MECOM: variants seen among roughly 807,000 people sequenced by gnomAD.
The protein encoded by MECOM is histone-lysine N-methyltransferase MECOM.
Under a neutral mutation model 116.3 loss-of-function variants are expected in MECOM, and 13 were observed. The observed-to-expected ratio is 0.11, with a 90% CI of 0.07 to 0.18. MECOM has a LOEUF of 0.18. MECOM is among the 10% of genes least tolerant of loss of function. MECOM has a pLI of 1.00. For synonymous variants in MECOM, 528 were observed against 535.2 expected (o/e 0.99, Z 0.19); for missense variants, 1,299 against 1,509.0 (o/e 0.86, Z 2.31).
rs745695007 is a variant in MECOM, at chr3:169,523,574, C to G, written c.37+139762G>C. On this transcript the variant is annotated intron_variant, in intron 1 of 16. Coordinates refer to ENST00000651503, the MANE Select transcript of MECOM (RefSeq NM_004991.4). ...GAACAGATGCTCACAACTACCACAT[C>G]GGGTTAAGTACTTAGGCACTGACAT... is the stretch of plus-strand genomic sequence containing the variant. Among the ~76,000 whole-genome samples, 32 of 152,174 alleles carry G rather than the reference C, an allele frequency of 2.1e-4. 1 individual carries two copies. Among genetic ancestry groups the G allele is most frequent in the Non-Finnish European group, 1.2e-4 (8 of 67,988 alleles).
chr3:169,411,816 C>T (rs1238189932), intron 1 of MECOM, among the ~76,000 whole-genome samples: 2 of 152,128 alleles, frequency 1.3e-5, no homozygotes, highest in Non-Finnish European at 2.9e-5. Flanking sequence ...CATGGCGAGA[C>T]ATTGTCTCTA....
At chr3:169,476,236 G>A (rs1045179028) in intron 1 of MECOM, among the ~76,000 whole-genome samples, 10 of 152,136 alleles carry the variant, frequency 6.6e-5, no homozygotes, top group African/African-American at 2.2e-4. Flanking sequence ...TAATTTTGAT[G>A]TCTTCATAAT....
intron 2 of MECOM, among the ~76,000 whole-genome samples, chr3:169,166,380 T>C (rs1743594875): frequency 6.6e-6 from 1 of 151,848 alleles, no homozygotes; most frequent in Non-Finnish European, 1.5e-5. Context: ...CTGAATTGTC[T>C]AAATTTTTAT....
At chr3:169,309,104 A>G (rs943929008) in intron 2 of MECOM, among the ~76,000 whole-genome samples, 7 of 152,196 alleles carry the variant, frequency 4.6e-5, no homozygotes, top group Non-Finnish European at 8.8e-5. Context: ...CTGACGTTCA[A>G]TGAAGACTAC....
chr3:169,490,786 T>G (rs553097504), intron 1 of MECOM, among the ~76,000 whole-genome samples: 1 of 152,346 alleles, frequency 6.6e-6, no homozygotes, highest in South Asian at 2.1e-4. Flanking sequence ...ATTTTCTTTC[T>G]TTTGCAAAAG....
At chr3:169,253,531 A>G (rs1756498254) in intron 2 of MECOM, among the ~76,000 whole-genome samples, 1 of 152,060 alleles carries the variant, frequency 6.6e-6, no homozygotes, top group African/African-American at 2.4e-5. Context: ...TGTATTATAT[A>G]TTTATTCTGA....
At chr3:169,134,003 G>T (rs949772093) in intron 3 of MECOM, 3 of 1,260,106 alleles carry the variant, frequency 2.4e-6, no homozygotes, top group Non-Finnish European at 3.1e-6. Flanking sequence ...AGAACTTTTC[G>T]GTGGCTTCTC....
At chr3:169,331,524 A>G (rs1722718141) in intron 2 of MECOM, among the ~76,000 whole-genome samples, 1 of 152,178 alleles carries the variant, frequency 6.6e-6, no homozygotes, top group African/African-American at 2.4e-5. Context: ...GAAATAACTT[A>G]CAGTAGAATG....
At chr3:169,146,046 C>G (rs1417573961) in intron 2 of MECOM, 3 of 241,354 alleles carry the variant, frequency 1.2e-5, no homozygotes, top group Non-Finnish European at 1.5e-5. Context: ...TTAATCGTGT[C>G]GGAAATCTCG....
intron 2 of MECOM, among the ~76,000 whole-genome samples, chr3:169,212,103 C>T (rs974215707): frequency 6.6e-6 from 1 of 152,030 alleles, no homozygotes; most frequent in Non-Finnish European, 1.5e-5. Context: ...AGAAATATAC[C>T]TTGGGGCCTT....
At chr3:169,370,037 T>C (rs1287721011) in intron 2 of MECOM, among the ~76,000 whole-genome samples, 2 of 151,962 alleles carry the variant, frequency 1.3e-5, no homozygotes, top group Non-Finnish European at 2.9e-5. Flanking sequence ...TGCTTTCTCA[T>C]AAATAAATTA....
chr3:169,116,826 T>C, intron 7 of MECOM, 87 bp from the exon 8 acceptor site: 1 of 1,477,682 alleles, frequency 6.8e-7, no homozygotes, highest in African/African-American at 1.4e-5. Context: ...TACTCAAAAT[T>C]TCAATTAGGA....
At chr3:169,637,686 A>C (rs1029587723) in intron 1 of MECOM, among the ~76,000 whole-genome samples, 2 of 152,216 alleles carry the variant, frequency 1.3e-5, no homozygotes, top group African/African-American at 4.8e-5. Flanking sequence ...CTAATCACAA[A>C]TTCATTATAT....
chr3:169,359,736 G>C (rs922324129), intron 2 of MECOM, among the ~76,000 whole-genome samples: 2 of 151,634 alleles, frequency 1.3e-5, no homozygotes, highest in Non-Finnish European at 3.0e-5. Context: ...TTCACATCTG[G>C]TGTTCTCAAG....
chr3:169,643,305 C>T (rs911447057), intron 1 of MECOM, among the ~76,000 whole-genome samples: 6 of 152,180 alleles, frequency 3.9e-5, no homozygotes, highest in Non-Finnish European at 7.3e-5. Context: ...TTTCTTTTCA[C>T]ATAACTATTA....
intron 2 of MECOM, among the ~76,000 whole-genome samples, chr3:169,333,899 C>T (rs572076276): frequency 2.1e-4 from 27 of 126,446 alleles, no homozygotes; most frequent in African/African-American, 7.6e-4. Flanking sequence ...CTTCCTTCCT[C>T]CCTCCCTCCC....
At chr3:169,433,681 GAAAGAAAGAGAA>G (rs1376610633) in intron 1 of MECOM, among the ~76,000 whole-genome samples, 44 of 149,004 alleles carry the variant, frequency 3.0e-4, no homozygotes, top group Middle Eastern at 3.5e-3. Flanking sequence ...AAGAAAGAAA[GAAAGAAAGAGAA>G]AGAAAGAAAA....
intron 2 of MECOM, among the ~76,000 whole-genome samples, chr3:169,268,345 C>A (rs1758554110): frequency 6.6e-6 from 1 of 152,180 alleles, no homozygotes; most frequent in Non-Finnish European, 1.5e-5. Context: ...TTGGACAAGT[C>A]AACCAGCTTT....
At chr3:169,143,252 T>G (rs994294784) in intron 3 of MECOM, among the ~76,000 whole-genome samples, 5 of 152,012 alleles carry the variant, frequency 3.3e-5, no homozygotes, top group African/African-American at 1.2e-4. Context: ...AAATGCATAA[T>G]TAGATAAGAT....
Sources: allele counts gnomAD v4.1 joint callset (sites outside exome capture counted in the v4.1 genomes callset), GRCh38; gene constraint gnomAD v4.1.1; transcripts MANE v1.5; gene names NCBI Gene and HGNC (gene_info 2026-07-23, HGNC 2026-07-21).